The following ANAPC13 variants were observed in gnomAD, a reference collection of about 807,000 sequenced individuals.
The protein encoded by ANAPC13 is anaphase promoting complex subunit 13, also known as anaphase-promoting complex subunit 13.
Under a neutral mutation model 9.6 loss-of-function variants are expected in ANAPC13, and 9 were observed. The ratio of observed to expected loss-of-function variants is 0.94; its 90% CI spans 0.57 to 1.64. The LOEUF is 1.64. Among genes scored for constraint, ANAPC13 ranks in the 40% most tolerant of loss-of-function variants. The probability of loss-of-function intolerance (pLI) is 0.00; values close to 1 mark genes in which losing one functional copy is unlikely to be tolerated. For missense variants in ANAPC13, 75 were observed against 85.3 expected (o/e 0.88, Z 0.48); for synonymous variants, 30 against 29.7 (o/e 1.01, Z -0.03).
chr3:134,479,027 T>G (rs891265760), intron 2 of ANAPC13, among the ~76,000 whole-genome samples: 4 of 152,200 alleles, frequency 2.6e-5, no homozygotes, highest in Non-Finnish European at 5.9e-5. Context: ...CTCTCCCATT[T>G]GCTGGGTTAC....
At chr3:134,481,622 G>A (rs1191542704) in intron 2 of ANAPC13, among the ~76,000 whole-genome samples, 1 of 152,142 alleles carries the variant, frequency 6.6e-6, no homozygotes, top group African/African-American at 2.4e-5. Context: ...CCCTCAGGAG[G>A]AGGAACTGTA....
At chr3:134,484,150 G>C (rs1934845891) in intron 1 of ANAPC13, among the ~76,000 whole-genome samples, 1 of 151,332 alleles carries the variant, frequency 6.6e-6, no homozygotes, top group African/African-American at 2.4e-5. Context: ...GGAGACCGAG[G>C]TGGGCGGATC....
intron 2 of ANAPC13, among the ~76,000 whole-genome samples, chr3:134,480,151 A>G (rs1934705044): frequency 2.0e-5 from 3 of 152,364 alleles, no homozygotes; most frequent in South Asian, 2.1e-4. Flanking sequence ...CATTTATTGT[A>G]ACGCAATAAT....
intron 2 of ANAPC13, among the ~76,000 whole-genome samples, chr3:134,479,363 G>A (rs1484587503): frequency 6.6e-6 from 1 of 151,932 alleles, no homozygotes; most frequent in Non-Finnish European, 1.5e-5. Context: ...TTGAGATGGA[G>A]TTTTGCTTTT....
intron 1 of ANAPC13, chr3:134,485,514 G>A (rs1387208043): frequency 1.3e-5 from 2 of 152,252 alleles, no homozygotes; most frequent in East Asian, 1.9e-4. Flanking sequence ...GGCACCAACT[G>A]GGGAGTCTGT....
chr3:134,481,135 C>G (rs1319323402), intron 2 of ANAPC13, among the ~76,000 whole-genome samples: 7 of 152,234 alleles, frequency 4.6e-5, no homozygotes, highest in Non-Finnish European at 1.0e-4. Context: ...GCCAATTGGT[C>G]TCACTTGCCC....
intron 1 of ANAPC13, among the ~76,000 whole-genome samples, chr3:134,484,269 A>T (rs1014413384): frequency 3.9e-5 from 6 of 152,054 alleles, no homozygotes; most frequent in Admixed American, 6.6e-5. Context: ...AGTCCCAGCT[A>T]CTCGGGAGGC....
intron 2 of ANAPC13, among the ~76,000 whole-genome samples, chr3:134,479,071 T>C (rs1408223034): frequency 6.6e-6 from 1 of 152,150 alleles, no homozygotes; most frequent in Non-Finnish European, 1.5e-5. Context: ...GGGGCCTTTG[T>C]TTCTTCCTTG....
At chr3:134,482,340 C>G (rs1309978859) in intron 2 of ANAPC13, among the ~76,000 whole-genome samples, 1 of 152,180 alleles carries the variant, frequency 6.6e-6, no homozygotes, top group Non-Finnish European at 1.5e-5. Flanking sequence ...GGCCTAAACG[C>G]AAAAGAATAC....
chr3:134,481,068 C>A (rs1389909142), intron 2 of ANAPC13, among the ~76,000 whole-genome samples: 1 of 152,190 alleles, frequency 6.6e-6, no homozygotes, highest in African/African-American at 2.4e-5. Context: ...ATGGACGTCT[C>A]CTTTATTTTC....
At chr3:134,482,734 T>A in intron 2 of ANAPC13, 72 bp downstream of exon 2, 1 of 1,203,518 alleles carries the variant, frequency 8.3e-7, no homozygotes, top group Non-Finnish European at 1.2e-6. Context: ...TATCTTCCAT[T>A]GATATCCCTC....
intron 1 of ANAPC13, among the ~76,000 whole-genome samples, chr3:134,483,747 A>C (rs937571562): frequency 1.6e-4 from 25 of 152,182 alleles, no homozygotes; most frequent in Non-Finnish European, 3.1e-4. Flanking sequence ...CCTGCTACCA[A>C]GTGACAATCC....
chr3:134,480,168 TCTTAAA>T (rs756318167), intron 2 of ANAPC13, among the ~76,000 whole-genome samples: 10 of 152,238 alleles, frequency 6.6e-5, no homozygotes, highest in Non-Finnish European at 4.4e-5. Flanking sequence ...TAATATATTA[TCTTAAA>T]CTTAAAAAGA....
In ANAPC13 at chr3:134,477,970, G is replaced by C. The variant is rs1330452013; in HGVS notation, c.*620C>G. ...TGAGAAAAGGCTTTGAATAAAACTA[G>C]TCATCCACCTAGCCAAAGATCCTTT... On this transcript the variant is annotated 3_prime_UTR_variant, in exon 3 of 3. Transcript: ENST00000354910. The C allele has an allele frequency of 6.6e-6, 1 of 152,250 alleles. No individual in the cohort carries two copies. The highest frequency in any genetic ancestry group is 1.5e-5 in the Non-Finnish European group (1 of 68,058). The allele number at this position is 152,250 out of a possible 1,614,324, so 9.4% of individuals were successfully genotyped here.
rs756826214 is a variant in ANAPC13, at chr3:134,478,475, G to C, written c.*115C>G. Reference sequence around the variant, plus strand: ...CACTTTGCTACCACAAACTAAATGGGTGTACATTTTTGAGTGCTGATTTAT... The same window carrying C: ...CACTTTGCTACCACAAACTAAATGGCTGTACATTTTTGAGTGCTGATTTAT... On this transcript the variant is annotated 3_prime_UTR_variant, in exon 3 of 3. Transcript: ENST00000354910. 4.0e-5 allele frequency: 53 copies of C among 1,336,314 alleles called. No individual in the cohort carries two copies. Among genetic ancestry groups the C allele is most frequent in the Non-Finnish European group, 5.4e-5 (53 of 975,966 alleles). 82.8% of individuals were successfully genotyped at this position (1,336,314 alleles called of 1,614,324 possible).
intron 1 of ANAPC13, chr3:134,485,441 G>A (rs1272468032): frequency 6.6e-6 from 1 of 152,228 alleles, no homozygotes; most frequent in Admixed American, 6.5e-5. Context: ...CCAAACCCCA[G>A]GCTGAGTGCG....
intron 1 of ANAPC13, 95 bp from the exon 2 acceptor site, chr3:134,483,026 C>T: frequency 1.2e-6 from 1 of 835,240 alleles, no homozygotes; most frequent in Non-Finnish European, 2.0e-6. Flanking sequence ...CTGGGGCCAC[C>T]TTTTGGGAAA....
chr3:134,478,398 G>T lies in ANAPC13; in HGVS notation c.*192C>A. On this transcript the variant is annotated 3_prime_UTR_variant, in exon 3 of 3. Transcript: ENST00000354910. ...ATGAAGAGTTTTAGGTTTAAAGAGC[G>T]AAATATTCACCATTACTGAGAAATC... 1 of 715,734 alleles carries T rather than the reference G, an allele frequency of 1.4e-6. No individual in the cohort carries two copies. Among genetic ancestry groups the T allele is most frequent in the Non-Finnish European group, 2.3e-6 (1 of 440,682 alleles). The allele number at this position is 715,734 out of a possible 1,614,324, so 44.3% of individuals were successfully genotyped here. A position where few individuals can be genotyped will look rare whatever the true frequency, so the allele number is the denominator to read the frequency against.
At position 134,482,818 on chromosome 3, in the gene ANAPC13, G is replaced by A. The variant is rs762007542; in HGVS notation, c.87C>T (p.Val29=). The A allele has an allele frequency of 5.0e-6, 8 of 1,613,830 alleles. No individual in the cohort carries two copies. The highest frequency in any genetic ancestry group is 2.2e-5 in the South Asian group (2 of 91,082). Residue 29 remains valine (V), a synonymous_variant, in exon 2 of 3, where the codon GTC becomes GTT. Transcript: ENST00000354910. ...AATCATAACCTACCAGTGGTATTGC[G>A]ACATCCTCATAAGGCAGCTTGTCTT... The part of the protein sequence containing the change: ...WREDKLPYED[V]AIPLNELPEP...
Sources: gnomAD v4.1 joint callset for allele counts (sites outside exome capture counted in the v4.1 genomes callset) on GRCh38, gnomAD v4.1.1 for gene constraint, MANE v1.5 for transcripts, NCBI Gene and HGNC (gene_info 2026-07-23, HGNC 2026-07-21) for gene names.